LMNTD1: variants seen among roughly 807,000 people sequenced by gnomAD.
LMNTD1 encodes lamin tail domain-containing protein 1.
Under a neutral mutation model 50.9 loss-of-function variants are expected in LMNTD1, and 35 were observed. The ratio of observed to expected loss-of-function variants is 0.69; its 90% CI spans 0.53 to 0.91. The LOEUF (loss-of-function observed/expected upper bound fraction) is 0.91, where lower values mean the gene tolerates loss of function less well. LMNTD1 is among the 40% of genes least tolerant of loss of function. LMNTD1 has a pLI of 0.00. For synonymous variants in LMNTD1, 153 were observed against 161.9 expected, an observed-to-expected ratio of 0.94 and a Z score of 0.42; for missense variants, 470 against 475.5, an observed-to-expected ratio of 0.99 and a Z score of 0.11.
upstream of LMNTD1, chr12:25,553,325 G>T (rs1943884504): frequency 2.5e-6 from 3 of 1,208,906 alleles, no homozygotes; most frequent in Non-Finnish European, 3.3e-6. Context: ...GAACTATGAG[G>T]TAATGTCTCC....
At chr12:25,619,001 CTT>C (rs916699002) in intron 1 of LMNTD1, among the ~76,000 whole-genome samples, 28 of 152,132 alleles carry the variant, frequency 1.8e-4, no homozygotes, top group African/African-American at 6.8e-4. Context: ...GGTTAACAGT[CTT>C]TGCCCTGCCA....
At chr12:25,627,458 A>G (rs1439438823) in intron 1 of LMNTD1, among the ~76,000 whole-genome samples, 2 of 152,204 alleles carry the variant, frequency 1.3e-5, no homozygotes, top group Non-Finnish European at 2.9e-5. Context: ...TCACAAGAGA[A>G]ATGTTAGCAT....
At chr12:25,577,229 A>G (rs1592056887) in intron 1 of LMNTD1, among the ~76,000 whole-genome samples, 2 of 152,214 alleles carry the variant, frequency 1.3e-5, no homozygotes, top group East Asian at 3.8e-4. Flanking sequence ...TTCTGTGAAG[A>G]AAGTCACTGG....
At chr12:25,556,096 C>T (rs763180332), upstream of LMNTD1, among the ~76,000 whole-genome samples, 3 of 151,812 alleles carry the variant, frequency 2.0e-5, no homozygotes, top group Non-Finnish European at 2.9e-5. Context: ...CCTTAGCCTC[C>T]CAAGTAGCTA....
chr12:25,619,248 CTCTCTATA>C (rs780433253), intron 1 of LMNTD1, among the ~76,000 whole-genome samples: 3,894 of 77,608 alleles, frequency 0.05, 48 homozygotes, highest in Non-Finnish European at 0.068. Context: ...CTCTCTCTCT[CTCTCTATA>C]TATATATATA....
At chr12:25,482,310 TC>T (rs1938471523) in intron 9 of LMNTD1, among the ~76,000 whole-genome samples, 1 of 151,994 alleles carries the variant, frequency 6.6e-6, no homozygotes, top group African/African-American at 2.4e-5. Context: ...GCAATCTCCA[TC>T]AGCTTTAATT....
At position 25,552,857 on chromosome 12, in the gene LMNTD1, C is replaced by T. The variant is rs1189965149; in HGVS notation, c.89+14G>A. On this transcript the variant is annotated intron_variant, in intron 2 of 9. Coordinates refer to ENST00000458174, the MANE Select transcript of LMNTD1 (RefSeq NM_001145728.2). Reference sequence around the variant, plus strand: ...AGCTCTAACTCTGCTTCCATCGCATCTATGCATGCTCACTGTTTTTGTTTC... The same window carrying T: ...AGCTCTAACTCTGCTTCCATCGCATTTATGCATGCTCACTGTTTTTGTTTC... 2.0e-5 allele frequency: 29 copies of T among 1,450,438 alleles called. No homozygotes were observed. The highest frequency in any genetic ancestry group is 2.7e-5 in the Non-Finnish European group (28 of 1,054,670). The allele number at this position is 1,450,438 out of a possible 1,614,324, so 89.8% of individuals were successfully genotyped here.
intron 3 of LMNTD1, chr12:25,547,263 G>C (rs1344000891): frequency 1.5e-6 from 1 of 665,060 alleles, no homozygotes; most frequent in Admixed American, 6.3e-5. Context: ...AAAGAACAAC[G>C]TGTCTTGCAT....
chr12:25,541,490 A>G (rs1283371438), intron 4 of LMNTD1, among the ~76,000 whole-genome samples: 1 of 111,494 alleles, frequency 9.0e-6, no homozygotes, highest in Non-Finnish European at 1.9e-5. Context: ...CTATTTAATA[A>G]ATGGTTCTGG....
At chr12:25,498,576 A>G (rs1939198807) in intron 9 of LMNTD1, among the ~76,000 whole-genome samples, 1 of 152,160 alleles carries the variant, frequency 6.6e-6, no homozygotes, top group African/African-American at 2.4e-5. Flanking sequence ...TGTAGACTTG[A>G]TAGTTGGGTT....
chr12:25,519,608 A>AAAAAAAAAAAC (rs1941128354), intron 7 of LMNTD1, among the ~76,000 whole-genome samples: 1 of 147,542 alleles, frequency 6.8e-6, no homozygotes, highest in African/African-American at 2.5e-5. Flanking sequence ...AAAAAAAAAA[A>AAAAAAAAAAAC]GTGAAATGGC....
intron 1 of LMNTD1, among the ~76,000 whole-genome samples, chr12:25,642,106 T>C (rs1946968997): frequency 6.6e-6 from 1 of 152,170 alleles, no homozygotes; most frequent in African/African-American, 2.4e-5. Context: ...ATGAATTTTA[T>C]GATTTAGATG....
At position 25,635,665 on chromosome 12, in the gene LMNTD1, C is replaced by T. The variant is rs963219196; in HGVS notation, c.58+12829G>A. Among the ~76,000 whole-genome samples the T allele has an allele frequency of 2.6e-5, 4 of 152,168 alleles. No homozygotes were observed. The East Asian group carries it at 7.7e-4, about 29-fold the overall frequency. On this transcript the variant is annotated intron_variant, in intron 1 of 7. Transcript: ENST00000445693. ...AAATTCATATGGAACCAAAAAAGAGCCCACGTAGCCAAAGGAAGACTAAGC... is the reference window on the plus strand; with the variant it reads ...AAATTCATATGGAACCAAAAAAGAGTCCACGTAGCCAAAGGAAGACTAAGC...
At chr12:25,519,085 A>C in intron 7 of LMNTD1, 118 bp from the exon 8 acceptor site, 1 of 917,218 alleles carries the variant, frequency 1.1e-6, no homozygotes, top group Non-Finnish European at 1.6e-6. Flanking sequence ...GACTTTTTAA[A>C]CTTTGTGGGC....
intron 1 of LMNTD1, among the ~76,000 whole-genome samples, chr12:25,580,784 A>G (rs1451450671): frequency 3.9e-5 from 6 of 152,192 alleles, no homozygotes; most frequent in African/African-American, 1.4e-4. Context: ...CCTGGGTGGG[A>G]AAATCCTGGA....
chr12:25,619,252 C>CTCTCTCTCTATATATATATATA (rs1374134268), intron 1 of LMNTD1, among the ~76,000 whole-genome samples: 11 of 84,436 alleles, frequency 1.3e-4, no homozygotes, highest in East Asian at 8.4e-4. Context: ...CTCTCTCTCT[C>CTCTCTCTCTATATATATATATA]TATATATATA....
At chr12:25,531,417 A>T (rs1457313231) in intron 4 of LMNTD1, among the ~76,000 whole-genome samples, 3 of 152,126 alleles carry the variant, frequency 2.0e-5, no homozygotes, top group Non-Finnish European at 4.4e-5. Flanking sequence ...TTTCAGTCCC[A>T]ATGTTTTCAT....
chr12:25,535,558 C>T lies in LMNTD1; in HGVS notation c.492-8603G>A, dbSNP rs1174215749. ...CCAAAAATAATGATAATGAGAACATCTTAAAAGCAGAATATTTGTGCAGAG... is the reference window on the plus strand; with the variant it reads ...CCAAAAATAATGATAATGAGAACATTTTAAAAGCAGAATATTTGTGCAGAG... On this transcript the variant is annotated intron_variant, in intron 4 of 9. Coordinates refer to ENST00000458174, the MANE Select transcript of LMNTD1 (RefSeq NM_001145728.2). Among the ~76,000 whole-genome samples the T allele has an allele frequency of 2.0e-5, 3 of 151,934 alleles. No individual in the cohort carries two copies. The South Asian group carries it at 6.2e-4, about 32-fold the overall frequency.
At chr12:25,643,235 C>T (rs1430538664) in intron 1 of LMNTD1, among the ~76,000 whole-genome samples, 1 of 152,114 alleles carries the variant, frequency 6.6e-6, no homozygotes, top group East Asian at 1.9e-4. Flanking sequence ...CAGGGGAAGC[C>T]TTTCTAAACA....
Sources: gnomAD v4.1 joint callset for allele counts (sites outside exome capture counted in the v4.1 genomes callset) on GRCh38, gnomAD v4.1.1 for gene constraint, MANE v1.5 for transcripts, NCBI Gene and HGNC (gene_info 2026-07-23, HGNC 2026-07-21) for gene names.